MYO9B: variants seen among roughly 807,000 people sequenced by gnomAD.
MYO9B encodes unconventional myosin-IXb.
A neutral mutation model predicts 229.5 loss-of-function variants in MYO9B; 71 were observed. That is an observed-to-expected ratio of 0.31 (90% confidence interval 0.26 to 0.38). The LOEUF (loss-of-function observed/expected upper bound fraction) is 0.38. Among genes scored for constraint, MYO9B ranks in the 10% least tolerant of loss-of-function variants. The pLI, the probability that MYO9B is intolerant of heterozygous loss-of-function variation, is 1.00. For missense variants in MYO9B, 2,255 were observed against 2,920.5 expected, an observed-to-expected ratio of 0.77 and a Z score of 5.25; for synonymous variants, 1,185 against 1,235.8, an observed-to-expected ratio of 0.96 and a Z score of 0.86.
rs769855140 is a variant in MYO9B, at chr19:17,102,388, A to G, written c.671A>G (p.Tyr224Cys). 5.0e-6 allele frequency: 8 copies of G among 1,613,962 alleles called. No individual in the cohort carries two copies. The highest frequency in any genetic ancestry group is 6.8e-6 in the Non-Finnish European group (8 of 1,179,890). Reference protein sequence around the residue: ...HVFALADVAYYTMLRKRVNQC... With the variant: ...HVFALADVAYCTMLRKRVNQC... ...TTCGCGCTGGCCGACGTGGCCTACT[A>G]CACCATGCTCAGGAAGCGCGTGAAC... Residue 224 changes from tyrosine (Y) to cysteine (C), a missense_variant, in exon 2 of 40, where the codon TAC (tyrosine) becomes TGC (cysteine). Physicochemically the swap from Tyr to Cys is radical, Grantham distance 194. This residue lies in a region of MYO9B where 386 missense variants were observed against 515.2 expected (regional missense o/e 0.75). Transcript: ENST00000682292.
chr19:17,091,988 G>C (rs562958493), intron 1 of MYO9B, among the ~76,000 whole-genome samples: 124 of 152,346 alleles, frequency 8.1e-4, no homozygotes, highest in African/African-American at 2.8e-3. Flanking sequence ...GCAGGGCTCA[G>C]AGGGCTCCTG....
At position 17,101,130 on chromosome 19, in the gene MYO9B, GGAAGGGTCAGGT is replaced by G. The variant is rs1202850255; in HGVS notation, c.-58-529_-58-518del. 6.6e-6 allele frequency among the ~76,000 whole-genome samples: 1 copy of G among 151,486 alleles called. No individual in the cohort carries two copies. Among genetic ancestry groups the G allele is most frequent in the East Asian group, 2.0e-4 (1 of 5,106 alleles). On this transcript the variant is annotated intron_variant, in intron 1 of 39. Coordinates refer to ENST00000682292, the MANE Select transcript of MYO9B (RefSeq NM_004145.4). This position sits in a 1 kb window ranked among gnomAD's most constrained non-coding sequence, Gnocchi z 4.7. Reference sequence around the variant, plus strand: ...GGGGCTGGGATGGAGCAAACTCAGGGGAAGGGTCAGGTCTTGGGGTTGTCTGATGATGTCACT... The same window carrying G: ...GGGGCTGGGATGGAGCAAACTCAGGGCTTGGGGTTGTCTGATGATGTCACT...
intron 2 of MYO9B, among the ~76,000 whole-genome samples, chr19:17,138,820 T>TTA (rs1189166289): frequency 2.6e-5 from 4 of 152,146 alleles, no homozygotes; most frequent in African/African-American, 9.7e-5. Flanking sequence ...GTTTAGTAGG[T>TTA]TATATACTAC....
intron 2 of MYO9B, among the ~76,000 whole-genome samples, chr19:17,130,972 T>TGACC (rs1321040989): frequency 6.6e-6 from 1 of 152,158 alleles, no homozygotes; most frequent in Non-Finnish European, 1.5e-5. Context: ...CCTTGAGAGC[T>TGACC]GATCACCCTT....
chr19:17,125,864 TTCC>T (rs966259014), intron 2 of MYO9B, among the ~76,000 whole-genome samples: 5 of 152,152 alleles, frequency 3.3e-5, no homozygotes, highest in African/African-American at 1.2e-4. Context: ...GAGCCTCCAC[TTCC>T]TCCTCTGCGA....
chr19:17,108,277 G>C (rs1270718632), intron 2 of MYO9B, among the ~76,000 whole-genome samples: 1 of 152,222 alleles, frequency 6.6e-6, no homozygotes, highest in Non-Finnish European at 1.5e-5. Context: ...TTCCAAAACA[G>C]GCTTGAGCCA....
At chr19:17,080,723 G>T (rs2057526639) in intron 1 of MYO9B, among the ~76,000 whole-genome samples, 1 of 152,086 alleles carries the variant, frequency 6.6e-6, no homozygotes, top group Non-Finnish European at 1.5e-5. Flanking sequence ...ACTAAAATTA[G>T]CTAGACATGA....
intron 13 of MYO9B, among the ~76,000 whole-genome samples, chr19:17,173,217 C>T (rs75533764): frequency 0.062 from 9,489 of 152,034 alleles, 391 homozygotes; most frequent in Non-Finnish European, 0.094. Context: ...TCCCACTGGC[C>T]CTGGGAGTTT....
intron 4 of MYO9B, 179 bp downstream of exon 4, chr19:17,152,885 T>C: frequency 1.7e-6 from 1 of 595,654 alleles, no homozygotes; most frequent in South Asian, 2.0e-5. Context: ...CCCTGTGGCC[T>C]CACACTTTGT....
intron 2 of MYO9B, among the ~76,000 whole-genome samples, chr19:17,119,328 A>C (rs985141860): frequency 3.9e-5 from 6 of 152,144 alleles, no homozygotes; most frequent in Non-Finnish European, 8.8e-5. Flanking sequence ...TGTGGCTCCC[A>C]CTGCCTTGCA....
chr19:17,167,370 C>T (rs1404577435), intron 10 of MYO9B, among the ~76,000 whole-genome samples: 4 of 151,568 alleles, frequency 2.6e-5, no homozygotes, highest in African/African-American at 7.3e-5. Flanking sequence ...TGGCCTCAAG[C>T]GATCCTACCA....
At chr19:17,152,186 CAA>C (rs537549171) in intron 3 of MYO9B, among the ~76,000 whole-genome samples, 6 of 127,540 alleles carry the variant, frequency 4.7e-5, no homozygotes, top group Admixed American at 8.0e-5. Flanking sequence ...GACTCCATCA[CAA>C]AAAAAAAAAA....
chr19:17,105,638 T>C (rs1273760391), intron 2 of MYO9B, among the ~76,000 whole-genome samples: 1 of 152,074 alleles, frequency 6.6e-6, no homozygotes, highest in African/African-American at 2.4e-5. Flanking sequence ...AGAGAGGGAG[T>C]TGGGGGCAGG....
intron 2 of MYO9B, among the ~76,000 whole-genome samples, chr19:17,104,981 T>C (rs1463208261): frequency 1.3e-5 from 2 of 152,160 alleles, no homozygotes; most frequent in Non-Finnish European, 2.9e-5. Context: ...AAAAGTATAA[T>C]GAATGTGTCT....
At position 17,185,078 on chromosome 19, in the gene MYO9B, T is replaced by C. The variant is rs111258264; in HGVS notation, c.2496+91T>C. 2.3e-4 allele frequency: 368 copies of C among 1,578,306 alleles called. No individual in the cohort carries two copies. The African/African-American group carries it at 4.3e-3, about 18-fold the overall frequency. On this transcript the variant is annotated intron_variant, in intron 17 of 39. Transcript: ENST00000682292. Reference sequence around the variant, plus strand: ...GACACCGAGCACAGCCCGTCTCTAGTAAAAATACAAAAATTGGCCGGGCGC... The same window carrying C: ...GACACCGAGCACAGCCCGTCTCTAGCAAAAATACAAAAATTGGCCGGGCGC...
Position 17,206,373 on chromosome 19 carries a change from G to A in MYO9B, c.5383G>A (p.Val1795Ile), listed in dbSNP as rs773210575. 6.8e-6 allele frequency: 11 copies of A among 1,609,976 alleles called. No homozygotes were observed. Among genetic ancestry groups the A allele is most frequent in the East Asian group, 6.7e-5 (3 of 44,864 alleles). Residue 1795 changes from valine to isoleucine, a missense_variant, in exon 33 of 40, where the codon GTC (valine) becomes ATC (isoleucine). Val to Ile is a conservative substitution (Grantham distance 29). Around this residue, in one of 7 missense-constraint regions of MYO9B, gnomAD observed 416 missense variants for 605.5 expected, o/e 0.69. Transcript: ENST00000682292. ...FAQYGDFLRA[V>I]ELPEKQEQLA... is the part of the protein sequence containing the mutation. ...ACAGTACGGCGACTTCCTCCGAGCC[G>A]TCGGTGAGCCCCATGGCGGTGCGGG... is the stretch of plus-strand genomic sequence containing the variant.
chr19:17,078,464 C>T (rs2057506109), intron 1 of MYO9B, among the ~76,000 whole-genome samples: 1 of 152,118 alleles, frequency 6.6e-6, no homozygotes, highest in Admixed American at 6.5e-5. Context: ...TGCTTGAACC[C>T]AGGAGGCGGA....
chr19:17,154,531 C>A (rs1210450516), intron 6 of MYO9B, 116 bp downstream of exon 6: 7 of 705,584 alleles, frequency 9.9e-6, no homozygotes, highest in Non-Finnish European at 1.6e-5. Flanking sequence ...AGGCAGTGTC[C>A]TGAACAGTGC....
rs1249990045 is a variant in MYO9B at position 17,160,549 on chromosome 19, G to A, written c.1419+1065G>A. The stretch of plus-strand genomic sequence containing the variant: ...TTTTGAGATAGCGTCTCACTGTTGC[G>A]CAGGCTGGAGTGTAGTGGCACAATC... On this transcript the variant is annotated intron_variant, in intron 8 of 39. Coordinates refer to ENST00000682292, the MANE Select transcript of MYO9B (RefSeq NM_004145.4). Among the ~76,000 whole-genome samples, 6 of 140,432 alleles carry A rather than the reference G, an allele frequency of 4.3e-5. No homozygotes were observed. In the South Asian group the frequency reaches 6.7e-4, roughly 16 times the overall value. The allele number at this position is 140,432 out of a possible 152,430, so 92.1% of individuals were successfully genotyped here.
Sources: gnomAD v4.1 joint callset for allele counts (sites outside exome capture counted in the v4.1 genomes callset) on GRCh38, gnomAD v4.1.1 for gene constraint, gnomAD v4.1.1 regional missense constraint, Gnocchi (gnomAD v3.1) non-coding constraint, MANE v1.5 for transcripts, NCBI Gene and HGNC (gene_info 2026-07-23, HGNC 2026-07-21) for gene names.